Variants in SLC25A43 observed in about 807,000 individuals in gnomAD.
SLC25A43 encodes solute carrier family 25, member 43.
A neutral mutation model predicts 22.8 loss-of-function variants in SLC25A43; 10 were observed. That is an observed-to-expected ratio of 0.44 (90% CI 0.27 to 0.74). The LOEUF (loss-of-function observed/expected upper bound fraction) is 0.74, where lower values mean the gene tolerates loss of function less well. Ranked by LOEUF, SLC25A43 falls within the 30% of genes least tolerant of loss-of-function variation. SLC25A43 has a pLI of 0.17. For missense variants in SLC25A43, 233 were observed against 279.1 expected, an observed-to-expected ratio of 0.83 and a Z score of 1.18; for synonymous variants, 106 against 121.6, an observed-to-expected ratio of 0.87 and a Z score of 0.84.
At chrX:119,399,723 T>TG in intron 1 of SLC25A43, 45 bp downstream of exon 1, 1 of 764,294 alleles carries the variant, frequency 1.3e-6, no homozygotes, top group Non-Finnish European at 1.7e-6. Context: ...CGGACGGGGG[T>TG]GGGGTGGGGG....
At chrX:119,444,738 A>G (rs2052651369) in intron 3 of SLC25A43, among the ~76,000 whole-genome samples, 1 of 105,357 alleles carries the variant, frequency 9.5e-6, no homozygotes, top group African/African-American at 3.4e-5. Flanking sequence ...TGAAGCTCAG[A>G]GAAGTTAAGG....
intron 3 of SLC25A43, among the ~76,000 whole-genome samples, chrX:119,413,587 A>C (rs1485708035): frequency 1.0e-5 from 1 of 99,679 alleles, no homozygotes; most frequent in Non-Finnish European, 2.1e-5. Flanking sequence ...CATGCCTGTA[A>C]TCCCAGCTAC....
chrX:119,412,379 T>G (rs1020749613), intron 3 of SLC25A43, among the ~76,000 whole-genome samples: 1 of 110,267 alleles, frequency 9.1e-6, no homozygotes, highest in African/African-American at 3.3e-5. Context: ...ATTTGGTGTT[T>G]TTTTTTTTTT....
chrX:119,418,819 G>A lies in SLC25A43; in HGVS notation c.690+8457G>A, dbSNP rs138406470. On this transcript the variant is annotated intron_variant, in intron 3 of 4. Transcript: ENST00000217909. ...TGCCCCCAACTTGGTGTGCTTTCACGGACCCCAACCACCCTGCCTGAAATC... is the reference window on the plus strand; with the variant it reads ...TGCCCCCAACTTGGTGTGCTTTCACAGACCCCAACCACCCTGCCTGAAATC... Among the ~76,000 whole-genome samples the A allele has an allele frequency of 7.9e-3, 878 of 111,845 alleles. 16 individuals carry two copies. Among genetic ancestry groups the A allele is most frequent in the Admixed American group, 0.048 (510 of 10,531 alleles).
chrX:119,447,430 C>A (rs760607959), intron 3 of SLC25A43, among the ~76,000 whole-genome samples: 1 of 111,037 alleles, frequency 9.0e-6, no homozygotes, highest in Admixed American at 9.6e-5. Flanking sequence ...CTCAGCCCCC[C>A]CAAGTAACTG....
chrX:119,421,270 G>A (rs1357956637), intron 3 of SLC25A43, among the ~76,000 whole-genome samples: 1 of 111,839 alleles, frequency 8.9e-6, no homozygotes, highest in Non-Finnish European at 1.9e-5. Flanking sequence ...GCCAGTAGAG[G>A]CTGTGGCCAG....
chrX:119,432,606 T>A (rs1331530119), intron 3 of SLC25A43, among the ~76,000 whole-genome samples: 1 of 108,867 alleles, frequency 9.2e-6, no homozygotes, highest in Non-Finnish European at 1.9e-5. Flanking sequence ...CTGGCCAACA[T>A]CGTGAAACCC....
Position 119,400,232 on chromosome X carries a change from C to T in SLC25A43, c.275+554C>T, listed in dbSNP as rs140067206. On this transcript the variant is annotated intron_variant, in intron 1 of 4. Transcript: ENST00000217909. ...TTAAATGAAGCTTGACTTCAGGCTC[C>T]GACAGAGGCTGCAGCTTCCCCTCCC... Among the ~76,000 whole-genome samples, 280 of 110,477 alleles carry T rather than the reference C, an allele frequency of 2.5e-3. 3 individuals are homozygous for T. Among genetic ancestry groups the T allele is most frequent in the African/African-American group, 8.6e-3 (261 of 30,388 alleles).
At chrX:119,441,810 C>T (rs764669433) in intron 3 of SLC25A43, among the ~76,000 whole-genome samples, 1 of 111,684 alleles carries the variant, frequency 9.0e-6, no homozygotes, top group Admixed American at 9.5e-5. Context: ...CTGTACGTGG[C>T]CAGGCGCAGT....
intron 3 of SLC25A43, among the ~76,000 whole-genome samples, chrX:119,417,191 G>A (rs1049678440): frequency 3.5e-4 from 39 of 110,058 alleles, no homozygotes; most frequent in African/African-American, 1.2e-3. Context: ...GCCGAGGCGG[G>A]TGGATCACCT....
At chrX:119,424,041 C>A (rs1224269999) in intron 3 of SLC25A43, 1 of 110,020 alleles carries the variant, frequency 9.1e-6, no homozygotes, top group African/African-American at 3.3e-5. Context: ...GGTGAAACCC[C>A]GTCTCTACTA....
chrX:119,400,286 C>A (rs1251866582), intron 1 of SLC25A43, among the ~76,000 whole-genome samples: 3 of 110,877 alleles, frequency 2.7e-5, no homozygotes, highest in Admixed American at 9.6e-5. Context: ...CTCAGCCTAC[C>A]GCTTCACCCC....
intron 3 of SLC25A43, among the ~76,000 whole-genome samples, chrX:119,448,971 G>A (rs975782257): frequency 9.0e-6 from 1 of 111,431 alleles, no homozygotes; most frequent in Non-Finnish European, 1.9e-5. Context: ...TATGATTGGG[G>A]TGAGTGATGC....
intron 1 of SLC25A43, among the ~76,000 whole-genome samples, chrX:119,405,789 T>C (rs1409335396): frequency 9.1e-6 from 1 of 109,889 alleles, no homozygotes; most frequent in Non-Finnish European, 1.9e-5. Context: ...CTGGGCACTT[T>C]GGGAGGCCGA....
intron 3 of SLC25A43, among the ~76,000 whole-genome samples, chrX:119,421,872 G>T (rs1367894118): frequency 1.8e-5 from 2 of 111,452 alleles, no homozygotes; most frequent in Admixed American, 1.9e-4. Flanking sequence ...ACCCCCAAGG[G>T]CATAGTTATT....
In SLC25A43 at chrX:119,406,582, G is replaced by A. The variant is rs377161207; in HGVS notation, c.398G>A (p.Arg133Gln). 9.9e-6 allele frequency: 12 copies of A among 1,209,827 alleles called. No individual in the cohort carries two copies. The highest frequency in any genetic ancestry group is 3.5e-5 in the South Asian group (2 of 56,803). ...TATCCTACAGACCTCATCAAAACCC[G>A]GTTGATCATGCAGAACATACTGGAA... ...VTYPTDLIKT[R>Q]LIMQNILEPS... is the part of the protein sequence containing the mutation. The change falls in exon 2 of 5, where the codon CGG becomes CAG. Residue 133 changes from arginine to glutamine, a missense_variant. Transcript: ENST00000217909.
At chrX:119,400,235 C>A (rs2052225363) in intron 1 of SLC25A43, among the ~76,000 whole-genome samples, 1 of 110,584 alleles carries the variant, frequency 9.0e-6, no homozygotes, top group Admixed American at 9.7e-5. Flanking sequence ...CAGGCTCCGA[C>A]AGAGGCTGCA....
rs768889933 is a variant in SLC25A43, at chrX:119,452,982, C to CA, written c.944dup (p.Ser316GlufsTer22). The CA allele has an allele frequency of 4.1e-6, 5 of 1,209,642 alleles. No individual in the cohort carries two copies. In the South Asian group the frequency reaches 7.0e-5, roughly 17 times the overall value. On this transcript the variant is annotated frameshift_variant, in exon 5 of 5. Transcript: ENST00000217909. ...CTATAAATTGACCCCAGGAGTCGAT[C>CA]AGAGTTTGCAGCCCCAGGAATTACG...
At chrX:119,426,045 T>G (rs2052500998) in intron 3 of SLC25A43, 1 of 136,354 alleles carries the variant, frequency 7.3e-6, no homozygotes, top group Non-Finnish European at 1.3e-5. Context: ...ACTCCCCACC[T>G]CAAAGTGGAG....
Sources: allele counts gnomAD v4.1 joint callset (sites outside exome capture counted in the v4.1 genomes callset), GRCh38; gene constraint gnomAD v4.1.1; transcripts MANE v1.5; gene names NCBI Gene and HGNC (gene_info 2026-07-23, HGNC 2026-07-21).